Variants in CNTN1 observed in about 807,000 individuals in gnomAD.
CNTN1 encodes contactin-1.
In CNTN1, 38 loss-of-function variants were observed where a neutral mutation model predicts 126.4. The ratio of observed to expected loss-of-function variants is 0.30; its 90% CI spans 0.23 to 0.39. The LOEUF (loss-of-function observed/expected upper bound fraction) is 0.39, where lower values mean the gene tolerates loss of function less well. Ranked by LOEUF, CNTN1 falls within the 10% of genes least tolerant of loss-of-function variation. The pLI is 1.00. For synonymous variants in CNTN1, 413 were observed against 422.6 expected, an observed-to-expected ratio of 0.98 and a Z score of 0.28; for missense variants, 1,009 against 1,248.4, an observed-to-expected ratio of 0.81 and a Z score of 2.89.
intron 14 of CNTN1, among the ~76,000 whole-genome samples, chr12:40,946,027 G>A (rs1234749914): frequency 6.6e-6 from 1 of 152,210 alleles, no homozygotes. Flanking sequence ...CACATGTTTA[G>A]CATGTCATAG....
rs575251665 is a variant in CNTN1 at position 40,750,190 on chromosome 12, G to T, written c.-77+57598G>T. On this transcript the variant is annotated intron_variant, in intron 1 of 23. Transcript: ENST00000551295. ...TAACTGGATGAGGATGTGGGATCTA[G>T]GAAGGCTGATTGTCACTTCTAAGAT... Among the ~76,000 whole-genome samples, 4 of 152,192 alleles carry T rather than the reference G, an allele frequency of 2.6e-5. No individual in the cohort carries two copies. The South Asian group carries it at 8.3e-4, about 32-fold the overall frequency.
chr12:40,831,069 TATATACTATAC>T (rs1002102755), intron 1 of CNTN1, among the ~76,000 whole-genome samples: 2 of 145,484 alleles, frequency 1.4e-5, no homozygotes, highest in Admixed American at 7.0e-5. Context: ...CAATACAGTA[TATATACTATAC>T]ATATACTATA....
intron 17 of CNTN1, among the ~76,000 whole-genome samples, chr12:41,004,140 T>C (rs1298609672): frequency 6.6e-6 from 1 of 152,222 alleles, no homozygotes; most frequent in African/African-American, 2.4e-5. Flanking sequence ...TGGTATGTTG[T>C]ATCTTTGTTT....
chr12:40,922,161 G>A, intron 4 of CNTN1, 95 bp from the exon 5 acceptor site: 3 of 1,009,804 alleles, frequency 3.0e-6, no homozygotes, highest in South Asian at 1.3e-5. Flanking sequence ...GACTTCACAT[G>A]GAGCCGTACC....
At chr12:40,909,433 T>C (rs1327339861) in intron 2 of CNTN1, among the ~76,000 whole-genome samples, 1 of 151,998 alleles carries the variant, frequency 6.6e-6, no homozygotes, top group Non-Finnish European at 1.5e-5. Context: ...AATACTTTCA[T>C]GATAATGACC....
intron 21 of CNTN1, 23 bp from the exon 22 acceptor site, chr12:41,027,834 T>G: frequency 7.1e-7 from 1 of 1,406,626 alleles, no homozygotes; most frequent in Non-Finnish European, 1.0e-6. Flanking sequence ...TGACCACTGA[T>G]TGCATATTAC....
chr12:41,027,876 G>A lies in CNTN1; in HGVS notation c.2730G>A (p.Arg910=), dbSNP rs775864189. ...TCACAGCTCCTAGCCAGCCTCCAAG[G>A]ATCATCAGTTCAGTAAGGTCTGGTT... ...TKKAPPSQPP[R]IISSVRSGSR... Residue 910 remains arginine, a synonymous_variant, in exon 22 of 24, where the codon AGG becomes AGA. Coordinates refer to ENST00000551295, the MANE Select transcript of CNTN1 (RefSeq NM_001843.4). 6.8e-6 allele frequency: 11 copies of A among 1,613,390 alleles called. No homozygotes were observed. The East Asian group carries it at 2.2e-4, about 33-fold the overall frequency.
chr12:40,887,011 G>A (rs1285356007), intron 1 of CNTN1, among the ~76,000 whole-genome samples: 5 of 151,966 alleles, frequency 3.3e-5, no homozygotes, highest in South Asian at 2.1e-4. Context: ...TGATGCCTCT[G>A]GCTTTGTTCT....
intron 1 of CNTN1, among the ~76,000 whole-genome samples, chr12:40,778,807 A>AC (rs1939687619): frequency 6.6e-6 from 1 of 151,822 alleles, no homozygotes; most frequent in African/African-American, 2.4e-5. Flanking sequence ...TTGTCATTAA[A>AC]ATATAATAGT....
intron 1 of CNTN1, among the ~76,000 whole-genome samples, chr12:40,877,611 A>G (rs1943713984): frequency 6.6e-6 from 1 of 152,204 alleles, no homozygotes. Flanking sequence ...TCTCCTATGT[A>G]ACAGTCTCTG....
intron 1 of CNTN1, among the ~76,000 whole-genome samples, chr12:40,811,391 G>T (rs1941054663): frequency 6.6e-6 from 1 of 152,196 alleles, no homozygotes; most frequent in South Asian, 2.1e-4. Flanking sequence ...TGTTTATCTG[G>T]CTTTGGTATA....
At chr12:40,728,705 T>G (rs941347601) in intron 1 of CNTN1, 8 of 152,184 alleles carry the variant, frequency 5.3e-5, no homozygotes, top group African/African-American at 1.2e-4. Flanking sequence ...TTTACAATTT[T>G]ATCATGCTTA....
At chr12:40,902,133 T>G (rs1262849451) in intron 1 of CNTN1, among the ~76,000 whole-genome samples, 3 of 152,220 alleles carry the variant, frequency 2.0e-5, no homozygotes, top group Non-Finnish European at 4.4e-5. Context: ...TCCAGAAAAT[T>G]TCATGTATTC....
At chr12:40,951,273 C>T (rs1450796749) in intron 14 of CNTN1, among the ~76,000 whole-genome samples, 1 of 151,932 alleles carries the variant, frequency 6.6e-6, no homozygotes, top group Non-Finnish European at 1.5e-5. Flanking sequence ...ACAAAAATAG[C>T]CAAATTTAGA....
chr12:41,044,682 T>G (rs1177907488), intron 23 of CNTN1, among the ~76,000 whole-genome samples: 2 of 151,992 alleles, frequency 1.3e-5, no homozygotes, highest in Non-Finnish European at 2.9e-5. Context: ...GAATCTAGCA[T>G]GAGGAGGAAC....
At chr12:41,049,255 G>T (rs1949618948) in intron 23 of CNTN1, among the ~76,000 whole-genome samples, 1 of 152,126 alleles carries the variant, frequency 6.6e-6, no homozygotes, top group Non-Finnish European at 1.5e-5. Context: ...CAGTCTCGAG[G>T]CTTTAAGTGC....
chr12:40,952,774 C>T (rs1946735403), intron 14 of CNTN1, among the ~76,000 whole-genome samples: 1 of 151,986 alleles, frequency 6.6e-6, no homozygotes, highest in African/African-American at 2.4e-5. Flanking sequence ...GACATATTTG[C>T]TATAGTATTT....
intron 1 of CNTN1, among the ~76,000 whole-genome samples, chr12:40,819,352 C>T (rs1941367301): frequency 6.6e-6 from 1 of 152,112 alleles, no homozygotes; most frequent in African/African-American, 2.4e-5. Context: ...ATCCAGGGAG[C>T]TCTGAATTCT....
At chr12:40,756,453 G>T (rs761259947) in intron 1 of CNTN1, among the ~76,000 whole-genome samples, 3 of 152,092 alleles carry the variant, frequency 2.0e-5, no homozygotes, top group Non-Finnish European at 2.9e-5. Flanking sequence ...TTTCAGAGGA[G>T]CCATGTGTAT....
Sources: allele counts gnomAD v4.1 joint callset (sites outside exome capture counted in the v4.1 genomes callset), GRCh38; gene constraint gnomAD v4.1.1; transcripts MANE v1.5; gene names NCBI Gene and HGNC (gene_info 2026-07-23, HGNC 2026-07-21).